The following NKAIN2 variants were observed in gnomAD, a reference collection of about 807,000 sequenced individuals.
NKAIN2 encodes the protein sodium/potassium transporting ATPase interacting 2.
Under a neutral mutation model 32.6 loss-of-function variants are expected in NKAIN2, and 14 were observed. The ratio of observed to expected loss-of-function variants is 0.43; its 90% CI spans 0.28 to 0.67. The LOEUF is 0.67. Ranked by LOEUF, NKAIN2 falls within the 30% of genes least tolerant of loss-of-function variation. The pLI, the probability that NKAIN2 is intolerant of heterozygous loss-of-function variation, is 0.17. For missense variants in NKAIN2, 198 were observed against 258.3 expected, an observed-to-expected ratio of 0.77 and a Z score of 1.60; for synonymous variants, 80 against 87.2, an observed-to-expected ratio of 0.92 and a Z score of 0.46.
intron 3 of NKAIN2, among the ~76,000 whole-genome samples, chr6:124,424,140 C>T (rs1476110207): frequency 6.6e-6 from 1 of 152,020 alleles, no homozygotes; most frequent in East Asian, 1.9e-4. Flanking sequence ...ACTACAGGTG[C>T]CCGCCACCAT....
In NKAIN2 at chr6:124,487,752, G is replaced by T. The variant is rs529715351; in HGVS notation, c.273+132405G>T. 2.4e-4 allele frequency among the ~76,000 whole-genome samples: 37 copies of T among 152,118 alleles called. No homozygotes were observed. In the South Asian group the frequency reaches 7.1e-3, roughly 29 times the overall value. The stretch of plus-strand genomic sequence containing the variant: ...GGATTATGGAGTTTTGCAATATTAG[G>T]ACTAGGTGACAGCTCAGAAAATATC... On this transcript the variant is annotated intron_variant, in intron 3 of 6. Coordinates refer to ENST00000368417, the MANE Select transcript of NKAIN2 (RefSeq NM_001040214.3).
intron 1 of NKAIN2, among the ~76,000 whole-genome samples, chr6:123,939,180 T>G (rs1776700320): frequency 1.3e-5 from 2 of 151,934 alleles, no homozygotes; most frequent in Admixed American, 1.3e-4. Context: ...GTCTCTAATT[T>G]TAATGAAGTC....
At chr6:124,609,003 G>T (rs1782595579) in intron 3 of NKAIN2, among the ~76,000 whole-genome samples, 1 of 152,168 alleles carries the variant, frequency 6.6e-6, no homozygotes, top group South Asian at 2.1e-4. Context: ...ATTTGTTGCG[G>T]TTTGTTTGGT....
chr6:124,411,948 T>C (rs999991631), intron 3 of NKAIN2, among the ~76,000 whole-genome samples: 3 of 152,224 alleles, frequency 2.0e-5, no homozygotes, highest in Non-Finnish European at 4.4e-5. Context: ...CCATCGCTGA[T>C]ACCCTTTCTT....
chr6:123,929,765 A>C (rs1017732414), intron 1 of NKAIN2, among the ~76,000 whole-genome samples: 2 of 152,004 alleles, frequency 1.3e-5, no homozygotes, highest in African/African-American at 2.4e-5. Context: ...AATGCTGGGG[A>C]CCAGAAGTAT....
intron 2 of NKAIN2, 91 bp from the exon 3 acceptor site, chr6:124,355,176 A>T: frequency 1.3e-6 from 1 of 766,476 alleles, no homozygotes; most frequent in Non-Finnish European, 2.3e-6. Context: ...CACTAATCTT[A>T]TATTAGGGTG....
intron 4 of NKAIN2, among the ~76,000 whole-genome samples, chr6:124,716,736 T>C (rs1275102201): frequency 6.6e-6 from 1 of 151,958 alleles, no homozygotes; most frequent in Non-Finnish European, 1.5e-5. Flanking sequence ...ATAGCTTTCT[T>C]TCTCACCTCT....
intron 3 of NKAIN2, among the ~76,000 whole-genome samples, chr6:124,402,314 A>G (rs537390026): frequency 6.6e-6 from 1 of 152,324 alleles, no homozygotes; most frequent in South Asian, 2.1e-4. Context: ...AGTGGCGTGA[A>G]GTAGGATTCA....
intron 3 of NKAIN2, among the ~76,000 whole-genome samples, chr6:124,557,109 A>T (rs1236201071): frequency 6.6e-6 from 1 of 152,214 alleles, no homozygotes; most frequent in African/African-American, 2.4e-5. Flanking sequence ...ATTATTGAAC[A>T]CAAAGATGCA....
intron 1 of NKAIN2, among the ~76,000 whole-genome samples, chr6:124,237,460 G>A (rs802302): frequency 0.67 from 101,614 of 151,992 alleles, 34,508 homozygotes; most frequent in South Asian, 0.76. Context: ...GCAATAGAAA[G>A]CATTTCTCTT....
intron 3 of NKAIN2, among the ~76,000 whole-genome samples, chr6:124,558,602 TA>T (rs1780565249): frequency 6.6e-6 from 1 of 152,056 alleles, no homozygotes; most frequent in Non-Finnish European, 1.5e-5. Context: ...CAAGATGCCC[TA>T]AGAGTTGGTG....
At chr6:124,343,184 G>T (rs957012819) in intron 2 of NKAIN2, among the ~76,000 whole-genome samples, 1 of 152,036 alleles carries the variant, frequency 6.6e-6, no homozygotes, top group Non-Finnish European at 1.5e-5. Flanking sequence ...TGGCTGCATA[G>T]TATTCATGGT....
chr6:124,607,029 T>C (rs1471896768), intron 3 of NKAIN2, among the ~76,000 whole-genome samples: 1 of 151,652 alleles, frequency 6.6e-6, no homozygotes, highest in African/African-American at 2.4e-5. Context: ...AAATATGGAG[T>C]GGATAGTTTA....
chr6:124,361,465 G>A (rs980949671), intron 3 of NKAIN2, among the ~76,000 whole-genome samples: 1 of 151,944 alleles, frequency 6.6e-6, no homozygotes, highest in Non-Finnish European at 1.5e-5. Context: ...AGGGATTATT[G>A]TACACTTAAA....
intron 3 of NKAIN2, among the ~76,000 whole-genome samples, chr6:124,432,976 G>A (rs990495362): frequency 6.6e-6 from 1 of 152,038 alleles, no homozygotes; most frequent in African/African-American, 2.4e-5. Context: ...CCTCTAAACA[G>A]TCAGGGCATC....
chr6:124,632,900 C>G (rs1783624507), intron 3 of NKAIN2, among the ~76,000 whole-genome samples: 1 of 152,116 alleles, frequency 6.6e-6, no homozygotes, highest in Non-Finnish European at 1.5e-5. Flanking sequence ...ACAAATGTAA[C>G]TCTATTGTAA....
chr6:124,102,138 GTC>G (rs1271926566), intron 1 of NKAIN2, among the ~76,000 whole-genome samples: 2 of 152,216 alleles, frequency 1.3e-5, no homozygotes, highest in Non-Finnish European at 2.9e-5. Flanking sequence ...GAATGTAACA[GTC>G]TCTTAGTACA....
intron 3 of NKAIN2, among the ~76,000 whole-genome samples, chr6:124,593,225 GTT>G (rs59478093): frequency 2.6e-5 from 4 of 151,904 alleles, no homozygotes; most frequent in African/African-American, 9.7e-5. Flanking sequence ...GTGTGTGTGT[GTT>G]TGTGTGCGTG....
At chr6:124,057,906 G>A (rs936397468) in intron 1 of NKAIN2, among the ~76,000 whole-genome samples, 1 of 151,976 alleles carries the variant, frequency 6.6e-6, no homozygotes, top group Non-Finnish European at 1.5e-5. Context: ...GACTTACCCA[G>A]TTCTTGCTTA....
Sources: gnomAD v4.1 joint callset for allele counts (sites outside exome capture counted in the v4.1 genomes callset) on GRCh38, gnomAD v4.1.1 for gene constraint, MANE v1.5 for transcripts, NCBI Gene and HGNC (gene_info 2026-07-23, HGNC 2026-07-21) for gene names.